CBX1: variants seen among roughly 807,000 people sequenced by gnomAD.
CBX1 encodes the protein chromobox protein homolog 1.
CBX1 carries 10 observed loss-of-function variants against 25.1 expected under a neutral mutation model. The observed-to-expected ratio is 0.40, with a 90% CI of 0.25 to 0.68. CBX1 has a LOEUF of 0.68. Ranked by LOEUF, CBX1 falls within the 30% of genes least tolerant of loss-of-function variation. The pLI, the probability that CBX1 is intolerant of heterozygous loss-of-function variation, is 0.40. For synonymous variants in CBX1, 63 were observed against 79.4 expected, an observed-to-expected ratio of 0.79 and a Z score of 1.10; for missense variants, 106 against 218.5, an observed-to-expected ratio of 0.49 and a Z score of 3.25.
chr17:48,096,238 T>C, intron 1 of CBX1: 1 of 414,852 alleles, frequency 2.4e-6, no homozygotes, highest in Non-Finnish European at 3.2e-6. Context: ...AAGGCTAGAA[T>C]GCTGGTGTGC....
rs527354678 is a variant in CBX1 at position 48,101,453 on chromosome 17, C to G, written c.-223G>C. On this transcript the variant is annotated 5_prime_UTR_variant, in exon 1 of 5. Coordinates refer to ENST00000225603, the MANE Select transcript of CBX1 (RefSeq NM_001127228.2). ...TCCCCTCAGCCGAACAAAAGAGCCT[C>G]GCAGTCTGCGCTGCCCGCCGCTCGC... The G allele has an allele frequency of 4.1e-6, 4 of 985,576 alleles. No individual in the cohort carries two copies. Among genetic ancestry groups the G allele is most frequent in the South Asian group, 9.4e-5 (2 of 21,294 alleles). The allele number at this position is 985,576 out of a possible 1,614,324, so 61.1% of individuals were successfully genotyped here.
intron 1 of CBX1, among the ~76,000 whole-genome samples, chr17:48,093,652 C>T (rs1330373703): frequency 6.6e-6 from 1 of 152,194 alleles, no homozygotes; most frequent in Non-Finnish European, 1.5e-5. Flanking sequence ...CCATTTAAAA[C>T]AAAAGGCCAA....
At chr17:48,075,875 A>G (rs1289113176) in intron 3 of CBX1, 126 bp downstream of exon 3, 4 of 662,856 alleles carry the variant, frequency 6.0e-6, no homozygotes, top group Non-Finnish European at 1.0e-5. Context: ...CTTTGTAGGC[A>G]TTAGCCTACC....
intron 1 of CBX1, among the ~76,000 whole-genome samples, chr17:48,079,125 T>C (rs1324940312): frequency 1.3e-5 from 2 of 149,034 alleles, no homozygotes; most frequent in Admixed American, 1.3e-4. Context: ...CTCCCCCTCT[T>C]TGAGATGGAG....
chr17:48,085,043 G>A (rs777437237), intron 1 of CBX1, among the ~76,000 whole-genome samples: 2 of 152,120 alleles, frequency 1.3e-5, no homozygotes, highest in Non-Finnish European at 2.9e-5. Context: ...ATCCTCAGTT[G>A]TCCTACTTAG....
In CBX1 at chr17:48,089,210, C is replaced by G. The variant is rs113981426; in HGVS notation, c.-38+12058G>C. Among the ~76,000 whole-genome samples the G allele has an allele frequency of 2.9e-3, 441 of 150,746 alleles. 3 individuals are homozygous for G. The highest frequency in any genetic ancestry group is 0.023 in the East Asian group (114 of 4,904). ...CCACCTCCCAGGTTCACGCCATTCT[C>G]CTGCCTCAGCCTCCCCAGTAGCTGG... On this transcript the variant is annotated intron_variant, in intron 1 of 4. Transcript: ENST00000225603.
Position 48,074,988 on chromosome 17 carries a change from A to G in CBX1, c.413+18T>C. ...GAGAAGAAAAAAAACAACCACACAG[A>G]GCCACTGGCCGACTCACCATTTCAT... On this transcript the variant is annotated intron_variant, in intron 4 of 4. Transcript: ENST00000225603. The G allele has an allele frequency of 1.9e-6, 3 of 1,558,568 alleles. No individual in the cohort carries two copies. In the South Asian group the frequency reaches 3.3e-5, roughly 17 times the overall value.
chr17:48,101,472 C>T lies in CBX1; in HGVS notation c.-242G>A, dbSNP rs1567772756. 3.0e-6 allele frequency: 3 copies of T among 985,532 alleles called. No individual in the cohort carries two copies. Among genetic ancestry groups the T allele is most frequent in the Admixed American group, 6.1e-5 (1 of 16,272 alleles). The allele number at this position is 985,532 out of a possible 1,614,324, so 61.0% of individuals were successfully genotyped here. On this transcript the variant is annotated 5_prime_UTR_variant, in exon 1 of 5. Transcript: ENST00000225603. ...GAGCCTCGCAGTCTGCGCTGCCCGC[C>T]GCTCGCACCGCGCAGGCGCAACGAC...
intron 1 of CBX1, among the ~76,000 whole-genome samples, chr17:48,079,033 G>A (rs1050869220): frequency 6.6e-5 from 10 of 151,588 alleles, no homozygotes; most frequent in Non-Finnish European, 1.3e-4. Flanking sequence ...TCGTGACTTC[G>A]TGATTCACCC....
chr17:48,083,886 A>G (rs1021022655), intron 1 of CBX1, among the ~76,000 whole-genome samples: 9 of 150,834 alleles, frequency 6.0e-5, no homozygotes, highest in African/African-American at 2.0e-4. Context: ...GAGTAGAACC[A>G]TGTAGTTCAA....
At position 48,101,434 on chromosome 17, in the gene CBX1, C is replaced by T; in HGVS notation, c.-204G>A. ...AGGCCCCGGCCAACGGCCCTCCCCT[C>T]AGCCGAACAAAAGAGCCTCGCAGTC... is the stretch of plus-strand genomic sequence containing the variant. On this transcript the variant is annotated 5_prime_UTR_variant, in exon 1 of 5. Transcript: ENST00000225603. 1 of 985,596 alleles carries T rather than the reference C, an allele frequency of 1.0e-6. No homozygotes were observed. Among genetic ancestry groups the T allele is most frequent in the South Asian group, 4.7e-5 (1 of 21,302 alleles). 61.1% of individuals were successfully genotyped at this position (985,596 alleles called of 1,614,324 possible). A position where few individuals can be genotyped will look rare whatever the true frequency, so the allele number is the denominator to read the frequency against.
At chr17:48,101,014 G>C in intron 1 of CBX1, 1 of 985,690 alleles carries the variant, frequency 1.0e-6, no homozygotes, top group Non-Finnish European at 1.2e-6. Flanking sequence ...CCAAGTGCTC[G>C]GCCCACCCCC....
intron 4 of CBX1, among the ~76,000 whole-genome samples, chr17:48,074,502 C>T (rs186988055): frequency 1.8e-4 from 28 of 152,288 alleles, no homozygotes; most frequent in Non-Finnish European, 1.9e-4. Flanking sequence ...TGCTTGATAG[C>T]AGTTAAGGAG....
intron 1 of CBX1, among the ~76,000 whole-genome samples, chr17:48,077,433 G>GTTTGTTTTTT (rs1567764327): frequency 2.0e-4 from 26 of 128,852 alleles, no homozygotes; most frequent in African/African-American, 3.6e-4. Flanking sequence ...AATTTTTGTT[G>GTTTGTTTTTT]TTTTTTTTTT....
chr17:48,076,147 G>A lies in CBX1; in HGVS notation c.172C>T (p.Leu58=). The A allele has an allele frequency of 1.3e-6, 2 of 1,599,566 alleles. No homozygotes were observed. Among genetic ancestry groups the A allele is most frequent in the Non-Finnish European group, 1.7e-6 (2 of 1,169,344 alleles). ...EDNTWEPEEN[L]DCPDLIAEFL... ...TCAGCAATGAGGTCGGGGCAATCCA[G>A]GTTCTCTTCTGGCTCCCATGTGTTG... Residue 58 remains leucine (L), a synonymous_variant, in exon 3 of 5, where the codon CTG becomes TTG. Transcript: ENST00000225603.
In CBX1 at chr17:48,077,828, G is replaced by A. The variant is rs190648070; in HGVS notation, c.-37-787C>T. 3.7e-4 allele frequency among the ~76,000 whole-genome samples: 56 copies of A among 152,184 alleles called. 1 individual carries two copies. Among genetic ancestry groups the A allele is most frequent in the African/African-American group, 1.3e-3 (52 of 41,530 alleles). ...AAGACTCCATCTTCACAAAAAAACCGTTGTAAAAGAGCACGGTAGCTAAAA... is the reference window on the plus strand; with the variant it reads ...AAGACTCCATCTTCACAAAAAAACCATTGTAAAAGAGCACGGTAGCTAAAA... On this transcript the variant is annotated intron_variant, in intron 1 of 4. Transcript: ENST00000225603.
chr17:48,086,191 A>G (rs2063310333), intron 1 of CBX1, among the ~76,000 whole-genome samples: 1 of 152,232 alleles, frequency 6.6e-6, no homozygotes, highest in Admixed American at 6.5e-5. Context: ...TAAGAGAAAG[A>G]GTACTGTTGT....
intron 1 of CBX1, among the ~76,000 whole-genome samples, chr17:48,092,605 C>T (rs1298710424): frequency 5.3e-5 from 8 of 151,666 alleles, no homozygotes; most frequent in Admixed American, 1.3e-4. Flanking sequence ...AGGTGCCCGC[C>T]GCTGCACCTG....
intron 4 of CBX1, among the ~76,000 whole-genome samples, chr17:48,074,626 T>G (rs2037657585): frequency 6.6e-6 from 1 of 152,174 alleles, no homozygotes; most frequent in Admixed American, 6.5e-5. Context: ...ACCCTGAGAA[T>G]TTAGCAGAAT....
Sources: allele counts gnomAD v4.1 joint callset (sites outside exome capture counted in the v4.1 genomes callset), GRCh38; gene constraint gnomAD v4.1.1; transcripts MANE v1.5; gene names NCBI Gene and HGNC (gene_info 2026-07-23, HGNC 2026-07-21).